Variants in CCDC73 observed in about 807,000 individuals in gnomAD.
The protein encoded by CCDC73 is coiled-coil domain containing 73.
CCDC73 carries 95 observed loss-of-function variants against 116.5 expected under a neutral mutation model. That is an observed-to-expected ratio of 0.82 (90% CI 0.69 to 0.97). The LOEUF (loss-of-function observed/expected upper bound fraction) is 0.97. CCDC73 is among the 50% of genes least tolerant of loss of function. CCDC73 has a pLI of 0.00. For missense variants in CCDC73, 1,066 were observed against 1,206.8 expected (o/e 0.88, Z 1.73); for synonymous variants, 398 against 401.3 (o/e 0.99, Z 0.10).
chr11:32,678,310 C>T (rs1222092494), intron 7 of CCDC73, among the ~76,000 whole-genome samples: 1 of 152,040 alleles, frequency 6.6e-6, no homozygotes, highest in Non-Finnish European at 1.5e-5. Flanking sequence ...AACCAAAGTA[C>T]AGGTAGTAGA....
At chr11:32,693,699 T>C (rs575159999) in intron 6 of CCDC73, among the ~76,000 whole-genome samples, 10 of 152,124 alleles carry the variant, frequency 6.6e-5, no homozygotes, top group Admixed American at 2.6e-4. Flanking sequence ...CAGCAGCACA[T>C]CAAAAAGCTA....
At chr11:32,692,361 T>C (rs2133305315) in intron 6 of CCDC73, among the ~76,000 whole-genome samples, 1 of 152,248 alleles carries the variant, frequency 6.6e-6, no homozygotes, top group Non-Finnish European at 1.5e-5. Flanking sequence ...TCCTCATGCA[T>C]AAATGTATAA....
the CCDC73 span, chr11:32,830,313 G>A: frequency 1.2e-6 from 1 of 850,794 alleles, no homozygotes; most frequent in Non-Finnish European, 1.6e-6. Flanking sequence ...CAGGGTCACT[G>A]GGCACGGCGT....
At chr11:32,654,610 C>T (rs1424170040) in intron 10 of CCDC73, among the ~76,000 whole-genome samples, 3 of 152,144 alleles carry the variant, frequency 2.0e-5, no homozygotes, top group South Asian at 2.1e-4. Flanking sequence ...CCTGGAGATA[C>T]CACTGTACCA....
chr11:32,651,122 C>A (rs1855822485), intron 12 of CCDC73, among the ~76,000 whole-genome samples: 1 of 152,286 alleles, frequency 6.6e-6, no homozygotes, highest in Non-Finnish European at 1.5e-5. Context: ...AGCTGCTAGA[C>A]CCATCTACTA....
intron 2 of CCDC73, among the ~76,000 whole-genome samples, chr11:32,731,054 A>G (rs2220286): frequency 0.024 from 3,662 of 152,290 alleles, 135 homozygotes; most frequent in African/African-American, 0.084. Context: ...TGACACCTGG[A>G]AGATCAGGTC....
intron 2 of CCDC73, chr11:32,758,668 T>C: frequency 4.0e-6 from 1 of 248,806 alleles, no homozygotes; most frequent in South Asian, 4.7e-5. Context: ...GCTATTCCTT[T>C]TCTAATCTGA....
intron 9 of CCDC73, among the ~76,000 whole-genome samples, chr11:32,673,994 CA>C (rs985015526): frequency 2.0e-5 from 3 of 152,118 alleles, no homozygotes; most frequent in African/African-American, 7.2e-5. Context: ...AGGGAAGGAA[CA>C]GGGGGAATAA....
At chr11:32,654,375 T>C (rs1211040715) in intron 10 of CCDC73, among the ~76,000 whole-genome samples, 1 of 152,178 alleles carries the variant, frequency 6.6e-6, no homozygotes, top group Non-Finnish European at 1.5e-5. Context: ...GGTTTCATCA[T>C]GTTGGCCAAG....
intron 9 of CCDC73, among the ~76,000 whole-genome samples, chr11:32,668,077 A>C (rs888370694): frequency 2.1e-4 from 32 of 152,204 alleles, no homozygotes. Flanking sequence ...CTGGCATGTA[A>C]TAATCCATGC....
At chr11:32,667,837 A>G (rs7112539) in intron 9 of CCDC73, among the ~76,000 whole-genome samples, 24,083 of 152,090 alleles carry the variant, frequency 0.16, 2,030 homozygotes, top group South Asian at 0.27. Flanking sequence ...TAATAAATAT[A>G]TTATTCCTAA....
At chr11:32,816,878 G>C in the CCDC73 span, among the ~76,000 whole-genome samples, 1 of 152,080 alleles carries the variant, frequency 6.6e-6, no homozygotes, top group East Asian at 1.9e-4. Context: ...CTGCCTCCTG[G>C]GTTCAAGTGA....
chr11:32,693,865 C>A (rs190619874), intron 6 of CCDC73, among the ~76,000 whole-genome samples: 4 of 152,184 alleles, frequency 2.6e-5, no homozygotes, highest in Non-Finnish European at 5.9e-5. Flanking sequence ...AATTCAACAG[C>A]CCTTCATGCT....
chr11:32,607,812 A>G (rs112929023), intron 17 of CCDC73, among the ~76,000 whole-genome samples: 2 of 36,654 alleles, frequency 5.5e-5, no homozygotes, highest in African/African-American at 1.2e-4. Context: ...TGGAGACTGG[A>G]AAAAAAAAGA....
At chr11:32,829,792 A>C in the CCDC73 span, 3 of 985,318 alleles carry the variant, frequency 3.0e-6, no homozygotes, top group African/African-American at 1.7e-5. Flanking sequence ...ATGGGGCAGA[A>C]GCTGGGGCGG....
At chr11:32,745,705 A>T (rs563907830) in intron 2 of CCDC73, among the ~76,000 whole-genome samples, 2 of 148,540 alleles carry the variant, frequency 1.3e-5, no homozygotes, top group Non-Finnish European at 3.0e-5. Flanking sequence ...CCAGGATTGC[A>T]ACCCCTGGTT....
At position 32,614,363 on chromosome 11, in the gene CCDC73, T is replaced by TTAC. The variant is rs1162772201; in HGVS notation, c.1952_1954dup (p.Ser651dup). On this transcript the variant is annotated inframe_insertion, in exon 16 of 18. Coordinates refer to ENST00000335185, the MANE Select transcript of CCDC73 (RefSeq NM_001008391.4). ...ACATTGTTTATCATCTAACATAACA[T>TTAC]TACTTGAATTCCGTAAACTATATTT... 1.2e-6 allele frequency: 2 copies of TTAC among 1,612,048 alleles called. No individual in the cohort carries two copies. Among genetic ancestry groups the TTAC allele is most frequent in the Non-Finnish European group, 1.7e-6 (2 of 1,178,650 alleles).
intron 2 of CCDC73, among the ~76,000 whole-genome samples, chr11:32,749,895 G>T (rs1159230508): frequency 6.7e-6 from 1 of 149,452 alleles, no homozygotes; most frequent in African/African-American, 2.5e-5. Context: ...TTTTGAGACG[G>T]AGTCTTGCTC....
At chr11:32,626,431 C>T (rs1855574521) in intron 14 of CCDC73, among the ~76,000 whole-genome samples, 1 of 151,972 alleles carries the variant, frequency 6.6e-6, no homozygotes, top group Non-Finnish European at 1.5e-5. Flanking sequence ...AATGCCATCC[C>T]CATCAAGCTA....
Sources: allele counts gnomAD v4.1 joint callset (sites outside exome capture counted in the v4.1 genomes callset), GRCh38; gene constraint gnomAD v4.1.1; transcripts MANE v1.5; gene names NCBI Gene and HGNC (gene_info 2026-07-23, HGNC 2026-07-21).